The following BRAT1 variants were observed in gnomAD, a reference collection of about 807,000 sequenced individuals.
BRAT1 encodes the protein BRCA1 associated ATM activator 1.
In BRAT1, 74 loss-of-function variants were observed where a neutral mutation model predicts 70.6. The ratio of observed to expected loss-of-function variants is 1.05; its 90% CI spans 0.87 to 1.27. The LOEUF is 1.27. Ranked by LOEUF, BRAT1 falls within the 50% of genes most tolerant of loss-of-function variation. The pLI is 0.00. For synonymous variants in BRAT1, 615 were observed against 517.1 expected (o/e 1.19, Z -2.57); for missense variants, 1,203 against 1,098.2 (o/e 1.10, Z -1.35).
At chr7:2,546,837 G>A (rs1023321908) in intron 3 of BRAT1, among the ~76,000 whole-genome samples, 1 of 152,212 alleles carries the variant, frequency 6.6e-6, no homozygotes, top group African/African-American at 2.4e-5. Flanking sequence ...TCATTCATTT[G>A]TAGGCTGGGT....
chr7:2,552,101 TA>T (rs1392451492), intron 2 of BRAT1, among the ~76,000 whole-genome samples: 37 of 18,056 alleles, frequency 2.0e-3, no homozygotes, highest in Middle Eastern at 9.8e-3. Context: ...TATATATATA[TA>T]TATATTTTTT....
chr7:2,543,510 G>A lies in BRAT1; in HGVS notation c.803+80C>T, dbSNP rs748623771. 2.0e-6 allele frequency: 3 copies of A among 1,486,902 alleles called. No individual in the cohort carries two copies. Among genetic ancestry groups the A allele is most frequent in the Non-Finnish European group, 2.7e-6 (3 of 1,121,278 alleles). 92.1% of individuals were successfully genotyped at this position (1,486,902 alleles called of 1,614,324 possible). ...CCATGTCCTCAGAGAGTCTCCGGCT[G>A]CCAGTGGGACATCCCTGGGCGTTAT... On this transcript the variant is annotated intron_variant, in intron 5 of 13. Transcript: ENST00000340611. The surrounding 1 kb of genome is among the most constrained non-coding windows in gnomAD (Gnocchi z 5.5).
At position 2,541,022 on chromosome 7, in the gene BRAT1, G is replaced by A; in HGVS notation, c.1352C>T (p.Ala451Val). 1 of 1,567,062 alleles carries A rather than the reference G, an allele frequency of 6.4e-7. No individual in the cohort carries two copies. Among genetic ancestry groups the A allele is most frequent in the East Asian group, 2.3e-5 (1 of 42,998 alleles). The stretch of plus-strand genomic sequence containing the variant: ...GCTCTCGAGGCACTCCAGGAGGACA[G>A]CAAGCGCCTGCGTCACCAGCTCCTG... Reference protein sequence around the residue: ...GPQELVTQALAVLLECLESPG... With the variant: ...GPQELVTQALVVLLECLESPG... The change falls in exon 10 of 14, where the codon GCT becomes GTT. Residue 451 changes from alanine to valine, a missense_variant. Ala to Val is a moderately conservative substitution (Grantham distance 64, BLOSUM62 0). Transcript: ENST00000340611.
At chr7:2,547,292 C>A (rs756994903) in intron 3 of BRAT1, 32 bp downstream of exon 3, 6 of 1,610,716 alleles carry the variant, frequency 3.7e-6, no homozygotes, top group Non-Finnish European at 5.1e-6. Flanking sequence ...CACCTCTCCA[C>A]GGGACACTCA....
At position 2,538,363 on chromosome 7, in the gene BRAT1, G is replaced by C; in HGVS notation, c.2172C>G (p.Leu724=). 1 of 1,613,490 alleles carries C rather than the reference G, an allele frequency of 6.2e-7. No homozygotes were observed. The highest frequency in any genetic ancestry group is 1.1e-5 in the South Asian group (1 of 91,090). ...AGGAAGCAATCTTGTCCCTCAGGAA[G>C]AGAAGGAGGTCACAAGACTTCTGCG... is the stretch of plus-strand genomic sequence containing the variant. ...PVAQKSCDLL[L]FLRDKIASYS... is the part of the protein sequence containing the mutation. The change falls in exon 14 of 14, where the codon CTC becomes CTG. Residue 724 remains leucine (L), a synonymous_variant. Coordinates refer to ENST00000340611, the MANE Select transcript of BRAT1 (RefSeq NM_152743.4).
At chr7:2,555,111 C>A (rs1247473600) in intron 1 of BRAT1, among the ~76,000 whole-genome samples, 1 of 119,802 alleles carries the variant, frequency 8.3e-6, no homozygotes, top group Non-Finnish European at 1.8e-5. Flanking sequence ...GAGAGGGGGG[C>A]GGCGGGGTGC....
chr7:2,542,397 C>G (rs1234101662), intron 6 of BRAT1, 186 bp from the exon 7 acceptor site: 2 of 612,336 alleles, frequency 3.3e-6, no homozygotes, highest in East Asian at 5.7e-5. Context: ...CAGGCCTGAC[C>G]AAGGAGATGG....
chr7:2,538,146 T>TC lies in BRAT1; in HGVS notation c.2388_2389insG (p.Lys797GlufsTer82). The TC allele has an allele frequency of 6.2e-7, 1 of 1,608,878 alleles. No individual in the cohort carries two copies. Among genetic ancestry groups the TC allele is most frequent in the Non-Finnish European group, 8.5e-7 (1 of 1,176,952 alleles). On this transcript the variant is annotated frameshift_variant, in exon 14 of 14. Transcript: ENST00000340611. LOFTEE classifies it high-confidence loss of function. ...TCCTGCAGGAGGGACTGGGGACTCT[T>TC]TTCCACGTGGTCGCTGCTCTCGGCC...
At chr7:2,544,198 T>TTG in intron 4 of BRAT1, 1 of 325,426 alleles carries the variant, frequency 3.1e-6, no homozygotes, top group Non-Finnish European at 5.3e-6. Flanking sequence ...TTCCTTCTTG[T>TTG]TGTTTTTTTT....
chr7:2,551,937 T>C (rs1279429147), intron 2 of BRAT1, among the ~76,000 whole-genome samples: 1 of 149,648 alleles, frequency 6.7e-6, no homozygotes, highest in Non-Finnish European at 1.5e-5. Context: ...AACTAAAGGA[T>C]ACTCTTTTAA....
Position 2,539,265 on chromosome 7 carries a change from G to C in BRAT1, c.1684C>G (p.Arg562Gly). The C allele has an allele frequency of 6.2e-7, 1 of 1,611,816 alleles. No individual in the cohort carries two copies. Among genetic ancestry groups the C allele is most frequent in the East Asian group, 2.2e-5 (1 of 44,878 alleles). Residue 562 changes from arginine (R) to glycine (G), a missense_variant, in exon 13 of 14, where the codon CGA becomes GGA. Coordinates refer to ENST00000340611, the MANE Select transcript of BRAT1 (RefSeq NM_152743.4). The part of the protein sequence containing the change: ...QLLQDPESYV[R>G]ASAVTAMGQL... Reference sequence around the variant, plus strand: ...CCCATGGCGGTCACTGCACTCGCTCGGACATAACTCTCAGGGTCCTGGAGG... The same window carrying C: ...CCCATGGCGGTCACTGCACTCGCTCCGACATAACTCTCAGGGTCCTGGAGG...
Position 2,538,315 on chromosome 7 carries a change from C to T in BRAT1, c.2220G>A (p.Arg740=). ...CTGCGGAGGCAGTGTTGGGGCTGCC[C>T]CTGGCCTCCCGCAGGCTGCTGTAGG... is the stretch of plus-strand genomic sequence containing the variant. The part of the protein sequence containing the change: ...IASYSSLREA[R]GSPNTASAEA... The change falls in exon 14 of 14, where the codon AGG becomes AGA. Residue 740 remains arginine, a synonymous_variant. Coordinates refer to ENST00000340611, the MANE Select transcript of BRAT1 (RefSeq NM_152743.4). 6 of 1,613,000 alleles carry T rather than the reference C, an allele frequency of 3.7e-6. No individual in the cohort carries two copies. Among genetic ancestry groups the T allele is most frequent in the Non-Finnish European group, 5.1e-6 (6 of 1,179,902 alleles).
rs774408317 is a variant in BRAT1, at chr7:2,541,752, C to T, written c.1100G>A (p.Arg367His). 2.0e-5 allele frequency: 33 copies of T among 1,610,992 alleles called. No individual in the cohort carries two copies. The highest frequency in any genetic ancestry group is 1.1e-4 in the African/African-American group (8 of 74,892). ...CAGCTCCTCCAGGTGAGCCAGGGTG[C>T]GGCACAGGAGGCCGGCGCAGGACGA... Reference protein sequence around the residue: ...SKSSCAGLLCRTLAHLEELQP... With the variant: ...SKSSCAGLLCHTLAHLEELQP... Residue 367 changes from arginine (R) to histidine (H), a missense_variant, in exon 8 of 14, where the codon CGC (arginine) becomes CAC (histidine). Coordinates refer to ENST00000340611, the MANE Select transcript of BRAT1 (RefSeq NM_152743.4).
intron 6 of BRAT1, chr7:2,542,640 C>T (rs763303933): frequency 2.8e-5 from 6 of 217,088 alleles, no homozygotes; most frequent in Middle Eastern, 4.6e-4. Flanking sequence ...CATCCTCCCC[C>T]GGTCTACTCT....
chr7:2,551,816 C>A (rs1780024891), intron 2 of BRAT1, among the ~76,000 whole-genome samples: 3 of 151,430 alleles, frequency 2.0e-5, no homozygotes, highest in South Asian at 4.2e-4. Flanking sequence ...TCCTATGTCT[C>A]AATAAAAGTC....
In BRAT1 at chr7:2,541,721, C is replaced by A. The variant is rs756690297; in HGVS notation, c.1131G>T (p.Pro377=). Residue 377 remains proline, a synonymous_variant, in exon 8 of 14, where the codon CCG becomes CCT. Transcript: ENST00000340611. ...RTLAHLEELQ[P]LPQRPSPWPQ... Reference sequence around the variant, plus strand: ...ATGAGGACCGGGCCGCACCTACCAGCGGCTGCAGCTCCTCCAGGTGAGCCA... The same window carrying A: ...ATGAGGACCGGGCCGCACCTACCAGAGGCTGCAGCTCCTCCAGGTGAGCCA... The A allele has an allele frequency of 1.9e-6, 3 of 1,606,322 alleles. No homozygotes were observed. The highest frequency in any genetic ancestry group is 2.2e-5 in the East Asian group (1 of 44,672).
At chr7:2,540,952 C>T in intron 10 of BRAT1, 27 bp downstream of exon 10, 4 of 1,510,122 alleles carry the variant, frequency 2.6e-6, no homozygotes, top group Non-Finnish European at 2.6e-6. Flanking sequence ...TCCCTCCTCT[C>T]CTCGCTCTCT....
rs1408642369 is a variant in BRAT1, at chr7:2,538,575, C to T, written c.1960G>A (p.Gly654Ser). ...AGGAACACGAGGGCCAGCTCCAGGCCCTGGGCGCGGACCTCCCAGTCCAGG... is the reference window on the plus strand; with the variant it reads ...AGGAACACGAGGGCCAGCTCCAGGCTCTGGGCGCGGACCTCCCAGTCCAGG... ...RDLDWEVRAQ[G>S]LELALVFLGQ... Residue 654 changes from glycine (G) to serine (S), a missense_variant, in exon 14 of 14, where the codon GGC (glycine) becomes AGC (serine). Coordinates refer to ENST00000340611, the MANE Select transcript of BRAT1 (RefSeq NM_152743.4). The T allele has an allele frequency of 5.0e-6, 8 of 1,599,080 alleles. No individual in the cohort carries two copies. Among genetic ancestry groups the T allele is most frequent in the East Asian group, 2.2e-5 (1 of 44,750 alleles).
At chr7:2,540,178 C>G (rs888246369) in intron 10 of BRAT1, 4 of 371,094 alleles carry the variant, frequency 1.1e-5, no homozygotes, top group Non-Finnish European at 1.9e-5. Flanking sequence ...ATCACCACGC[C>G]TGGCTAATTT....
Sources: gnomAD v4.1 joint callset for allele counts (sites outside exome capture counted in the v4.1 genomes callset) on GRCh38, gnomAD v4.1.1 for gene constraint, Gnocchi (gnomAD v3.1) non-coding constraint, MANE v1.5 for transcripts, NCBI Gene and HGNC (gene_info 2026-07-23, HGNC 2026-07-21) for gene names.